XPR1: variants seen among roughly 807,000 people sequenced by gnomAD.
XPR1 encodes the protein xenotropic and polytropic retrovirus receptor 1.
A neutral mutation model predicts 87.5 loss-of-function variants in XPR1; 28 were observed. The observed-to-expected ratio is 0.32, with a 90% confidence interval of 0.24 to 0.44. The LOEUF is 0.44. Among genes scored for constraint, XPR1 ranks in the 20% least tolerant of loss-of-function variants. XPR1 has a pLI of 1.00. For synonymous variants in XPR1, 300 were observed against 306.1 expected (o/e 0.98, Z 0.21); for missense variants, 559 against 862.3 (o/e 0.65, Z 4.41).
chr1:180,637,266 A>G (rs575340870), intron 1 of XPR1, among the ~76,000 whole-genome samples: 3 of 152,200 alleles, frequency 2.0e-5, no homozygotes. Context: ...TTGGCAGATA[A>G]TCATTAATCC....
chr1:180,704,189 A>C (rs1286229277), intron 2 of XPR1, among the ~76,000 whole-genome samples: 1 of 138,886 alleles, frequency 7.2e-6, no homozygotes, highest in Non-Finnish European at 1.5e-5. Flanking sequence ...GCTTGTTTCT[A>C]TTCTGACTAT....
intron 2 of XPR1, among the ~76,000 whole-genome samples, chr1:180,782,194 C>G (rs908934077): frequency 6.6e-6 from 1 of 151,748 alleles, no homozygotes; most frequent in Non-Finnish European, 1.5e-5. Context: ...GCTAATCTTA[C>G]AATTGTTGAT....
At chr1:180,649,096 T>C (rs555478872) in intron 1 of XPR1, among the ~76,000 whole-genome samples, 100 of 152,150 alleles carry the variant, frequency 6.6e-4, no homozygotes, top group Middle Eastern at 3.4e-3. Context: ...CATTTTCTAG[T>C]GCAAGCTAAT....
intron 2 of XPR1, among the ~76,000 whole-genome samples, chr1:180,761,866 C>G (rs1425874806): frequency 6.6e-6 from 1 of 152,056 alleles, no homozygotes. Flanking sequence ...GACTTGGAAC[C>G]AACCCAAATG....
chr1:180,680,232 A>C (rs1290510439), intron 1 of XPR1, among the ~76,000 whole-genome samples: 7 of 151,802 alleles, frequency 4.6e-5, no homozygotes, highest in African/African-American at 1.7e-4. Context: ...AAAACAAAAC[A>C]AAAACAATAA....
intron 1 of XPR1, among the ~76,000 whole-genome samples, chr1:180,670,111 A>G (rs745701644): frequency 6.6e-6 from 1 of 151,968 alleles, no homozygotes; most frequent in Non-Finnish European, 1.5e-5. Flanking sequence ...TTCACTTTCA[A>G]TTTGTTTGTG....
chr1:180,782,936 G>A (rs767300902), intron 2 of XPR1, among the ~76,000 whole-genome samples: 4 of 151,798 alleles, frequency 2.6e-5, no homozygotes, highest in Admixed American at 6.6e-5. Flanking sequence ...TATTGGGCTC[G>A]TTGATTTTTG....
chr1:180,882,778 T>C (rs553126609), intron 14 of XPR1, among the ~76,000 whole-genome samples: 15 of 152,322 alleles, frequency 9.8e-5, no homozygotes, highest in South Asian at 6.2e-4. Flanking sequence ...ACATAACTTA[T>C]AATGAGTCTC....
At chr1:180,704,270 A>ATATATATATATATG (rs1657470322) in intron 2 of XPR1, among the ~76,000 whole-genome samples, 1 of 140,622 alleles carries the variant, frequency 7.1e-6, no homozygotes, top group Admixed American at 7.1e-5. Flanking sequence ...ATATATATAT[A>ATATATATATATATG]TATATATTAT....
chr1:180,638,917 A>C (rs1268969423), intron 1 of XPR1, among the ~76,000 whole-genome samples: 1 of 152,172 alleles, frequency 6.6e-6, no homozygotes. Flanking sequence ...TTAAAGTCTT[A>C]GTTGTTTACT....
At chr1:180,778,513 G>A (rs190948546) in intron 2 of XPR1, among the ~76,000 whole-genome samples, 2 of 152,270 alleles carry the variant, frequency 1.3e-5, no homozygotes, top group East Asian at 3.9e-4. Context: ...ATAAGTCTGT[G>A]TTTGGAGCAG....
chr1:180,835,463 TTGGGA>T (rs1443446007), intron 10 of XPR1, among the ~76,000 whole-genome samples: 1 of 152,172 alleles, frequency 6.6e-6, no homozygotes, highest in Non-Finnish European at 1.5e-5. Context: ...TAATTCTTAC[TTGGGA>T]TGTTATTTTT....
intron 3 of XPR1, among the ~76,000 whole-genome samples, chr1:180,788,812 A>G (rs764546262): frequency 2.6e-5 from 4 of 152,210 alleles, no homozygotes; most frequent in Non-Finnish European, 5.9e-5. Context: ...ATAATCTTAT[A>G]ACTAGCACAA....
intron 1 of XPR1, among the ~76,000 whole-genome samples, chr1:180,658,038 A>G (rs779840665): frequency 3.9e-5 from 6 of 151,980 alleles, no homozygotes; most frequent in Non-Finnish European, 8.8e-5. Context: ...ATTTAATTTT[A>G]TTTGTAGCTA....
intron 11 of XPR1, among the ~76,000 whole-genome samples, chr1:180,847,760 A>G (rs1651733390): frequency 6.6e-6 from 1 of 152,202 alleles, no homozygotes; most frequent in Non-Finnish European, 1.5e-5. Flanking sequence ...TTTTTAGGAA[A>G]TTAGAAATTA....
chr1:180,798,467 A>G (rs1649665848), intron 3 of XPR1, among the ~76,000 whole-genome samples: 1 of 152,166 alleles, frequency 6.6e-6, no homozygotes, highest in African/African-American at 2.4e-5. Context: ...AGGGGTTATA[A>G]TTGGTATCTT....
chr1:180,836,111 C>A (rs887822828), intron 10 of XPR1, among the ~76,000 whole-genome samples: 1 of 152,092 alleles, frequency 6.6e-6, no homozygotes, highest in Non-Finnish European at 1.5e-5. Flanking sequence ...GTAATCCTAG[C>A]AGTGTAGGAG....
At chr1:180,782,731 T>C (rs139817252) in intron 2 of XPR1, among the ~76,000 whole-genome samples, 10 of 152,140 alleles carry the variant, frequency 6.6e-5, no homozygotes, top group African/African-American at 2.4e-4. Context: ...CACATATGAT[T>C]TTGGGTACAC....
At chr1:180,669,915 A>C (rs1175589759) in intron 1 of XPR1, among the ~76,000 whole-genome samples, 3 of 152,162 alleles carry the variant, frequency 2.0e-5, no homozygotes, top group Non-Finnish European at 4.4e-5. Context: ...AAAATATCTT[A>C]ATGTACTGTA....
Sources: gnomAD v4.1 joint callset for allele counts (sites outside exome capture counted in the v4.1 genomes callset) on GRCh38, gnomAD v4.1.1 for gene constraint, MANE v1.5 for transcripts, NCBI Gene and HGNC (gene_info 2026-07-23, HGNC 2026-07-21) for gene names.